CDK18: variants seen among roughly 807,000 people sequenced by gnomAD.
The protein encoded by CDK18 is cyclin-dependent kinase 18.
Under a neutral mutation model 62.0 loss-of-function variants are expected in CDK18, and 52 were observed. The ratio of observed to expected loss-of-function variants is 0.84; its 90% CI spans 0.67 to 1.06. The LOEUF is 1.06. Among genes scored for constraint, CDK18 ranks in the 50% least tolerant of loss-of-function variants. The probability of loss-of-function intolerance (pLI) is 0.00; values close to 1 mark genes in which losing one functional copy is unlikely to be tolerated. For synonymous variants in CDK18, 237 were observed against 247.0 expected (o/e 0.96, Z 0.38); for missense variants, 604 against 619.9 (o/e 0.97, Z 0.27).
chr1:205,527,822 T>G lies in CDK18; in HGVS notation c.758T>G (p.Leu253Arg), dbSNP rs1668516535. 3.7e-6 allele frequency: 6 copies of G among 1,613,942 alleles called. No homozygotes were observed. Among genetic ancestry groups the G allele is most frequent in the Non-Finnish European group, 5.1e-6 (6 of 1,179,908 alleles). ...KIFMFQLLRG[L>R]AYCHHRKILH... Reference sequence around the variant, plus strand: ...TTCATGTTCCAGCTGCTCCGGGGCCTCGCCTACTGTCACCACCGCAAGATC... The same window carrying G: ...TTCATGTTCCAGCTGCTCCGGGGCCGCGCCTACTGTCACCACCGCAAGATC... The change falls in exon 9 of 16, where the codon CTC (leucine) becomes CGC (arginine). Residue 253 changes from leucine (L) to arginine (R), a missense_variant. Coordinates refer to ENST00000429964, the MANE Select transcript of CDK18 (RefSeq NM_212502.3). This position sits in a 1 kb window ranked among gnomAD's most constrained non-coding sequence, Gnocchi z 4.1.
In CDK18 at chr1:205,527,361, C is replaced by A; in HGVS notation, c.730-433C>A. 4.6e-6 allele frequency: 1 copy of A among 217,640 alleles called. No homozygotes were observed. The highest frequency in any genetic ancestry group is 5.2e-5 in the Admixed American group (1 of 19,228). The allele number at this position is 217,640 out of a possible 1,614,324, so 13.5% of individuals were successfully genotyped here. A position where few individuals can be genotyped will look rare whatever the true frequency, so the allele number is the denominator to read the frequency against. ...GGGCACAGTAGCGTGCACCCATAGT[C>A]CCAGCTGCTTGAGAGGCTGAGGCAG... On this transcript the variant is annotated intron_variant, in intron 8 of 15. Coordinates refer to ENST00000429964, the MANE Select transcript of CDK18 (RefSeq NM_212502.3). This position sits in a 1 kb window ranked among gnomAD's most constrained non-coding sequence, Gnocchi z 4.1.
intron 2 of CDK18, 73 bp from the exon 3 acceptor site, chr1:205,523,410 G>A: frequency 6.3e-7 from 1 of 1,596,844 alleles, no homozygotes; most frequent in Middle Eastern, 1.7e-4. Flanking sequence ...GCACAGCGCT[G>A]GGGGAGGGGG....
chr1:205,530,410 T>C (rs1393291146), intron 14 of CDK18, 61 bp downstream of exon 14: 13 of 1,531,660 alleles, frequency 8.5e-6, no homozygotes, highest in South Asian at 6.7e-5. Context: ...TTGGTGAGTG[T>C]GGGCAGAAGA....
rs187133116 is a variant in CDK18 at position 205,528,680 on chromosome 1, A to T, written c.975-319A>T. The stretch of plus-strand genomic sequence containing the variant: ...TCTTCCAGTGGGGCACACAGTGGAG[A>T]GAGTTTGAGACAACACTGCTGAGAG... On this transcript the variant is annotated intron_variant, in intron 10 of 15. Coordinates refer to ENST00000429964, the MANE Select transcript of CDK18 (RefSeq NM_212502.3). This position sits in a 1 kb window ranked among gnomAD's most constrained non-coding sequence, Gnocchi z 4.2. 3.0e-6 allele frequency: 1 copy of T among 336,252 alleles called. No homozygotes were observed. The highest frequency in any genetic ancestry group is 4.4e-5 in the Admixed American group (1 of 22,718). 20.8% of individuals were successfully genotyped at this position (336,252 alleles called of 1,614,324 possible).
chr1:205,511,358 C>A (rs921129587), intron 1 of CDK18, among the ~76,000 whole-genome samples: 1 of 152,170 alleles, frequency 6.6e-6, no homozygotes, highest in African/African-American at 2.4e-5. Flanking sequence ...AGACGATGGC[C>A]CGCAAAGCCT....
Position 205,529,531 on chromosome 1 carries a change from G to A in CDK18, c.1189G>A (p.Asp397Asn). The part of the protein sequence containing the change: ...LINHAPRLDT[D>N]GIHLLSSLLL... ...GCCTTCTCCTTGCAGGTTGGATACG[G>A]ATGGCATCCACCTCCTGAGCAGCCT... is the stretch of plus-strand genomic sequence containing the variant. The change falls in exon 13 of 16, where the codon GAT (aspartate) becomes AAT (asparagine). Residue 397 changes from aspartate to asparagine, a missense_variant. Physicochemically the swap from Asp to Asn is conservative, Grantham distance 23 (BLOSUM62 1). Transcript: ENST00000429964. The A allele has an allele frequency of 4.3e-6, 7 of 1,612,060 alleles. No homozygotes were observed. Among genetic ancestry groups the A allele is most frequent in the Non-Finnish European group, 5.9e-6 (7 of 1,178,828 alleles).
chr1:205,523,881 C>A (rs562805270), intron 3 of CDK18, among the ~76,000 whole-genome samples: 3 of 152,300 alleles, frequency 2.0e-5, no homozygotes, highest in Middle Eastern at 3.4e-3. Context: ...AAGGGCTAGA[C>A]AATTTGACTA....
chr1:205,525,287 C>G, intron 5 of CDK18, 92 bp downstream of exon 5: 1 of 885,152 alleles, frequency 1.1e-6, no homozygotes, highest in East Asian at 2.6e-5. Flanking sequence ...CTGGTCGGCC[C>G]TCTCTGGTTG....
rs527824232 is a variant in CDK18 at position 205,529,177 on chromosome 1, A to T, written c.1072+81A>T. The T allele has an allele frequency of 1.1e-4, 151 of 1,403,408 alleles. No individual in the cohort carries two copies. In the African/African-American group the frequency reaches 2.0e-3, roughly 18 times the overall value. 86.9% of individuals were successfully genotyped at this position (1,403,408 alleles called of 1,614,324 possible). On this transcript the variant is annotated intron_variant, in intron 11 of 15. Transcript: ENST00000429964. ...AGCCCAGGCGCGGAGCGGGACGGGGAGGAGCGGCTCGGCCGCCTCTCTCCC... is the reference window on the plus strand; with the variant it reads ...AGCCCAGGCGCGGAGCGGGACGGGGTGGAGCGGCTCGGCCGCCTCTCTCCC...
chr1:205,526,859 C>T (rs1458236945), intron 8 of CDK18, 22 bp downstream of exon 8: 1 of 1,602,084 alleles, frequency 6.2e-7, no homozygotes, highest in Non-Finnish European at 8.6e-7. Flanking sequence ...GGGGCAGGGT[C>T]CCCCCATCTT....
At chr1:205,524,587 C>T (rs1224424997) in intron 4 of CDK18, among the ~76,000 whole-genome samples, 1 of 152,246 alleles carries the variant, frequency 6.6e-6, no homozygotes, top group Non-Finnish European at 1.5e-5. Context: ...CAGTGGGTCC[C>T]ACGGTCTCCA....
In CDK18 at chr1:205,523,564, G is replaced by A. The variant is rs1314436847; in HGVS notation, c.212G>A (p.Gly71Glu). The A allele has an allele frequency of 6.2e-7, 1 of 1,602,026 alleles. No homozygotes were observed. Among genetic ancestry groups the A allele is most frequent in the East Asian group, 2.3e-5 (1 of 44,396 alleles). The change falls in exon 3 of 16, where the codon GGG becomes GAG. Residue 71 changes from glycine (G) to glutamate (E), a missense_variant. Physicochemically the swap from Gly to Glu is moderately conservative, Grantham distance 98 (BLOSUM62 -2). Transcript: ENST00000429964. Reference protein sequence around the residue: ...FSPTDSGEEPGQLSPGVQFQR... With the variant: ...FSPTDSGEEPEQLSPGVQFQR... ...CCAACAGACAGCGGGGAGGAGCCGG[G>A]GCAGCTCTCCCCTGGCGTGCAGTTC...
chr1:205,527,256 A>G lies in CDK18; in HGVS notation c.729+419A>G. ...AGCACTGGGAGGCCAAGGCAGGAAG[A>G]TGGCTTGAGCCCAGGAGTTTGAGAC... On this transcript the variant is annotated intron_variant, in intron 8 of 15. Transcript: ENST00000429964. The surrounding 1 kb of genome is among the most constrained non-coding windows in gnomAD (Gnocchi z 4.1). The G allele has an allele frequency of 4.5e-6, 1 of 221,216 alleles. No homozygotes were observed. Among genetic ancestry groups the G allele is most frequent in the Non-Finnish European group, 9.0e-6 (1 of 111,352 alleles). The allele number at this position is 221,216 out of a possible 1,614,324, so 13.7% of individuals were successfully genotyped here.
chr1:205,519,220 C>T (rs1353899505), intron 1 of CDK18, among the ~76,000 whole-genome samples: 1 of 152,136 alleles, frequency 6.6e-6, no homozygotes, highest in Admixed American at 6.5e-5. Flanking sequence ...CCTTCCCCCT[C>T]GACCCCCAAA....
chr1:205,529,846 CTATTT>C, intron 13 of CDK18: 2 of 1,348,082 alleles, frequency 1.5e-6, no homozygotes, highest in Admixed American at 5.0e-5. Context: ...GGATTAATAC[CTATTT>C]TATAAGATGG....
Position 205,527,572 on chromosome 1 carries a change from C to T in CDK18, c.730-222C>T. ...GTGCTCCTGACTGAGACTTCGCTGG[C>T]CTCCCCCACACTCACTGCGTCCTCT... is the stretch of plus-strand genomic sequence containing the variant. On this transcript the variant is annotated intron_variant, in intron 8 of 15. Transcript: ENST00000429964. The surrounding 1 kb of genome is among the most constrained non-coding windows in gnomAD (Gnocchi z 4.1). The T allele has an allele frequency of 1.9e-6, 1 of 531,046 alleles. No individual in the cohort carries two copies. Among genetic ancestry groups the T allele is most frequent in the East Asian group, 3.1e-5 (1 of 32,120 alleles). 32.9% of individuals were successfully genotyped at this position (531,046 alleles called of 1,614,324 possible). A position where few individuals can be genotyped will look rare whatever the true frequency, so the allele number is the denominator to read the frequency against.
At chr1:205,512,125 C>G (rs937911922) in intron 1 of CDK18, among the ~76,000 whole-genome samples, 1 of 152,174 alleles carries the variant, frequency 6.6e-6, no homozygotes, top group Non-Finnish European at 1.5e-5. Flanking sequence ...CAGCTGCACC[C>G]AAGCATCTGG....
chr1:205,515,471 C>A (rs1667775062), intron 1 of CDK18, among the ~76,000 whole-genome samples: 1 of 152,190 alleles, frequency 6.6e-6, no homozygotes. Context: ...GCCACCGCGC[C>A]TAGCCACTTT....
chr1:205,519,000 C>T (rs529164454), intron 1 of CDK18, among the ~76,000 whole-genome samples: 247 of 152,322 alleles, frequency 1.6e-3, no homozygotes, highest in Non-Finnish European at 2.1e-3. Flanking sequence ...CCACCCCCCA[C>T]TGCCGGGCCA....
Sources: allele counts gnomAD v4.1 joint callset (sites outside exome capture counted in the v4.1 genomes callset), GRCh38; gene constraint gnomAD v4.1.1; non-coding constraint Gnocchi (gnomAD v3.1); transcripts MANE v1.5; gene names NCBI Gene and HGNC (gene_info 2026-07-23, HGNC 2026-07-21).